RGS20: variants seen among roughly 807,000 people sequenced by gnomAD.
The protein encoded by RGS20 is regulator of G protein signaling 20.
In RGS20, 30 loss-of-function variants were observed where a neutral mutation model predicts 33.6. The observed-to-expected ratio is 0.89, with a 90% CI of 0.67 to 1.21. The LOEUF (loss-of-function observed/expected upper bound fraction) is 1.21. Among genes scored for constraint, RGS20 ranks in the 50% most tolerant of loss-of-function variants. RGS20 has a pLI of 0.00. For missense variants in RGS20, 472 were observed against 502.4 expected (o/e 0.94, Z 0.58); for synonymous variants, 208 against 197.9 (o/e 1.05, Z -0.43).
At chr8:53,954,846 C>A (rs953112466) in intron 5 of RGS20, among the ~76,000 whole-genome samples, 2 of 150,974 alleles carry the variant, frequency 1.3e-5, no homozygotes, top group African/African-American at 4.9e-5. Flanking sequence ...CACCACCAGG[C>A]CTGGCTAATT....
Position 53,939,591 on chromosome 8 carries a change from C to T in RGS20, c.526C>T (p.Arg176Trp), listed in dbSNP as rs1445147493. 2.5e-6 allele frequency: 4 copies of T among 1,599,946 alleles called. No individual in the cohort carries two copies. Among genetic ancestry groups the T allele is most frequent in the Admixed American group, 3.5e-5 (2 of 57,664 alleles). ...CCTCTTGCAGCAGATGGGATCAGAG[C>T]GGATGGAGATGCGGAAGCGGCAGAT... The change falls in exon 3 of 6, where the codon CGG becomes TGG. Residue 176 changes from arginine to tryptophan, a missense_variant. This residue lies in a region of RGS20 where 319 missense variants were observed against 283.4 expected (regional missense o/e 1.13). Coordinates refer to ENST00000297313, the MANE Select transcript of RGS20 (RefSeq NM_170587.4).
chr8:53,913,242 G>A (rs1813397526), intron 2 of RGS20, among the ~76,000 whole-genome samples: 1 of 152,108 alleles, frequency 6.6e-6, no homozygotes, highest in Admixed American at 6.5e-5. Context: ...TGGGATTACA[G>A]ACATGAGCCA....
chr8:53,931,635 G>A (rs544202433), intron 2 of RGS20, among the ~76,000 whole-genome samples: 2 of 152,210 alleles, frequency 1.3e-5, no homozygotes, highest in Admixed American at 6.5e-5. Flanking sequence ...GAACAGCTCC[G>A]GTCTGTAGCT....
In RGS20 at chr8:53,880,879, G is replaced by T; in HGVS notation, c.510+1277G>T. ...AGGGGGCGGGGAGGAGGCAGAGCAA[G>T]GGGAGGAAGAGGCCGGGAGAAGAGG... On this transcript the variant is annotated intron_variant, in intron 2 of 5. In the 5' UTR this introduces an upstream ATG that the reference lacks. Coordinates refer to ENST00000297313, the MANE Select transcript of RGS20 (RefSeq NM_170587.4). 1 of 1,473,080 alleles carries T rather than the reference G, an allele frequency of 6.8e-7. No individual in the cohort carries two copies. Among genetic ancestry groups the T allele is most frequent in the Non-Finnish European group, 9.0e-7 (1 of 1,111,538 alleles). 91.3% of individuals were successfully genotyped at this position (1,473,080 alleles called of 1,614,324 possible). A position where few individuals can be genotyped will look rare whatever the true frequency, so the allele number is the denominator to read the frequency against.
chr8:53,954,480 A>G (rs966573558), intron 5 of RGS20, among the ~76,000 whole-genome samples, 170 bp downstream of exon 4: 9 of 151,722 alleles, frequency 5.9e-5, no homozygotes, highest in Admixed American at 1.3e-4. Context: ...CCTGACCAAC[A>G]TGGTGAAACC....
rs761634796 is a variant in RGS20 at position 53,879,463 on chromosome 8, C to T, written c.371C>T (p.Pro124Leu). ...CTCTCGAGGGGGCACGAGGAGCTGC[C>T]GGGCCGCCTCTCGCTCCTGCTCGGG... is the stretch of plus-strand genomic sequence containing the variant. Residue 124 changes from proline to leucine, a missense_variant, in exon 2 of 6, where the codon CCG becomes CTG. This residue lies in a region of RGS20 where 319 missense variants were observed against 283.4 expected (regional missense o/e 1.13). Transcript: ENST00000297313. 1.2e-5 allele frequency: 19 copies of T among 1,589,068 alleles called. No individual in the cohort carries two copies. The African/African-American group carries it at 2.3e-4, about 19-fold the overall frequency.
In RGS20 at chr8:53,930,282, G is replaced by A. The variant is rs539096880; in HGVS notation, c.511-9294G>A. ...AATATCTACTTAGAAAACACAGTTG[G>A]GTACTAGGGGAAGATATCATTTATG... is the stretch of plus-strand genomic sequence containing the variant. On this transcript the variant is annotated intron_variant, in intron 2 of 5. Coordinates refer to ENST00000297313, the MANE Select transcript of RGS20 (RefSeq NM_170587.4). Among the ~76,000 whole-genome samples, 69 of 152,308 alleles carry A rather than the reference G, an allele frequency of 4.5e-4. No homozygotes were observed. In the South Asian group the frequency reaches 0.013, roughly 28 times the overall value.
At chr8:53,873,819 A>T (rs1199685084) in intron 1 of RGS20, among the ~76,000 whole-genome samples, 1 of 152,228 alleles carries the variant, frequency 6.6e-6, no homozygotes, top group Non-Finnish European at 1.5e-5. Flanking sequence ...AAGAGATCTC[A>T]AAGGCAGAGT....
chr8:53,880,619 C>A (rs1363856841), intron 2 of RGS20, among the ~76,000 whole-genome samples: 2 of 152,218 alleles, frequency 1.3e-5, no homozygotes, highest in Admixed American at 1.3e-4. Flanking sequence ...CGGCCCCGCG[C>A]GCCGAGGGGA....
intron 2 of RGS20, among the ~76,000 whole-genome samples, chr8:53,919,485 G>A (rs1813585471): frequency 6.6e-6 from 1 of 151,972 alleles, no homozygotes; most frequent in African/African-American, 2.4e-5. Flanking sequence ...GGGATTACAG[G>A]CACGTGCCAC....
Position 53,901,225 on chromosome 8 carries a change from G to A in RGS20, c.510+21623G>A, listed in dbSNP as rs568207943. ...TGGGACTACAGATGCCCGTCACCAC[G>A]CCCGGCTAATTTTTGTATTTTTAGT... On this transcript the variant is annotated intron_variant, in intron 2 of 5. Transcript: ENST00000297313. Among the ~76,000 whole-genome samples, 9 of 151,960 alleles carry A rather than the reference G, an allele frequency of 5.9e-5. No individual in the cohort carries two copies. The South Asian group carries it at 1.5e-3, about 25-fold the overall frequency.
intron 1 of RGS20, among the ~76,000 whole-genome samples, chr8:53,861,879 ATC>A (rs1272624460): frequency 2.6e-5 from 4 of 152,172 alleles, no homozygotes; most frequent in African/African-American, 9.6e-5. Flanking sequence ...CATCATTAAG[ATC>A]TCTAAGCTTC....
intron 1 of RGS20, among the ~76,000 whole-genome samples, chr8:53,878,547 T>A (rs1812258924): frequency 6.6e-6 from 1 of 151,606 alleles, no homozygotes; most frequent in Non-Finnish European, 1.5e-5. Flanking sequence ...GGAAAGGAGG[T>A]CTGCAGAGGG....
intron 3 of RGS20, among the ~76,000 whole-genome samples, chr8:53,943,479 A>G (rs999399023): frequency 2.6e-5 from 4 of 152,188 alleles, no homozygotes; most frequent in Admixed American, 2.6e-4. Context: ...ACCAAAATAT[A>G]TCTGGCCATG....
chr8:53,877,956 C>T lies in RGS20; in HGVS notation c.166-1302C>T, dbSNP rs921030661. ...CCTGGTGACTGCGGAGTGAGGGAAC[C>T]GCGCCAGGCCCACGAGGCCGCTCGC... is the stretch of plus-strand genomic sequence containing the variant. On this transcript the variant is annotated intron_variant, in intron 1 of 5. Transcript: ENST00000297313. The surrounding 1 kb of genome is among the most constrained non-coding windows in gnomAD (Gnocchi z 5.7). Among the ~76,000 whole-genome samples the T allele has an allele frequency of 6.6e-6, 1 of 152,200 alleles. No individual in the cohort carries two copies. Among genetic ancestry groups the T allele is most frequent in the Non-Finnish European group, 1.5e-5 (1 of 68,034 alleles).
chr8:53,895,776 C>T (rs1812839999), intron 2 of RGS20, among the ~76,000 whole-genome samples: 1 of 151,596 alleles, frequency 6.6e-6, no homozygotes, highest in Admixed American at 6.6e-5. Context: ...TCTTGAGTAG[C>T]TGGGACTACA....
At position 53,877,002 on chromosome 8, in the gene RGS20, C is replaced by A. The variant is rs186879520; in HGVS notation, c.166-2256C>A. Among the ~76,000 whole-genome samples the A allele has an allele frequency of 2.6e-5, 4 of 152,200 alleles. No homozygotes were observed. Among genetic ancestry groups the A allele is most frequent in the Admixed American group, 1.3e-4 (2 of 15,298 alleles). On this transcript the variant is annotated intron_variant, in intron 1 of 5. Coordinates refer to ENST00000297313, the MANE Select transcript of RGS20 (RefSeq NM_170587.4). This position sits in a 1 kb window ranked among gnomAD's most constrained non-coding sequence, Gnocchi z 5.7. ...AGTGACTTGGGAAGAAGGACTGGGG[C>A]GAAGGGAGAAAGGAGGTTACGAGTT...
At chr8:53,864,827 C>T (rs1229279448) in intron 1 of RGS20, among the ~76,000 whole-genome samples, 2 of 152,054 alleles carry the variant, frequency 1.3e-5, no homozygotes, top group African/African-American at 2.4e-5. Context: ...TTTCATATGC[C>T]CTGAAAGAAA....
chr8:53,928,852 A>C (rs2129288250), intron 2 of RGS20, among the ~76,000 whole-genome samples: 1 of 152,282 alleles, frequency 6.6e-6, no homozygotes, highest in Non-Finnish European at 1.5e-5. Context: ...TCATGTTCGA[A>C]AGAAGACAAT....
Sources: allele counts gnomAD v4.1 joint callset (sites outside exome capture counted in the v4.1 genomes callset), GRCh38; gene constraint gnomAD v4.1.1; regional missense constraint gnomAD v4.1.1; non-coding constraint Gnocchi (gnomAD v3.1); transcripts MANE v1.5; gene names NCBI Gene and HGNC (gene_info 2026-07-23, HGNC 2026-07-21).